Variants in TMTC1 observed in about 807,000 individuals in gnomAD.
TMTC1 encodes protein O-mannosyl-transferase TMTC1.
A neutral mutation model predicts 104.8 loss-of-function variants in TMTC1; 73 were observed. That is an observed-to-expected ratio of 0.70 (90% CI 0.58 to 0.85). The LOEUF (loss-of-function observed/expected upper bound fraction) is 0.85. TMTC1 is among the 40% of genes least tolerant of loss of function. The pLI, the probability that TMTC1 is intolerant of heterozygous loss-of-function variation, is 0.00. For missense variants in TMTC1, 1,035 were observed against 1,096.1 expected (o/e 0.94, Z 0.79); for synonymous variants, 434 against 428.7 (o/e 1.01, Z -0.15).
chr12:29,743,843 T>C (rs1380838942), intron 5 of TMTC1, among the ~76,000 whole-genome samples: 1 of 152,166 alleles, frequency 6.6e-6, no homozygotes, highest in Non-Finnish European at 1.5e-5. Context: ...TAGCATGAAC[T>C]AAAAGGGCAA....
intron 5 of TMTC1, among the ~76,000 whole-genome samples, chr12:29,637,895 C>G (rs1218943748): frequency 6.6e-6 from 1 of 152,184 alleles, no homozygotes; most frequent in Non-Finnish European, 1.5e-5. Context: ...CTTTCTTTTA[C>G]TTTTGCCTAC....
At chr12:29,671,268 C>T (rs1029123068) in intron 5 of TMTC1, among the ~76,000 whole-genome samples, 2 of 151,108 alleles carry the variant, frequency 1.3e-5, no homozygotes, top group Admixed American at 6.6e-5. Context: ...CCACTGCACT[C>T]CAGCCTGGGC....
At chr12:29,631,571 C>T (rs1169044898) in intron 6 of TMTC1, among the ~76,000 whole-genome samples, 2 of 152,116 alleles carry the variant, frequency 1.3e-5, no homozygotes, top group African/African-American at 4.8e-5. Flanking sequence ...CCTGAATTCT[C>T]AATTCTATTC....
At chr12:29,764,648 A>C (rs187344992) in intron 2 of TMTC1, among the ~76,000 whole-genome samples, 47 of 152,286 alleles carry the variant, frequency 3.1e-4, no homozygotes, top group Admixed American at 1.3e-3. Context: ...TTTGTCATGT[A>C]AATTGTTTTG....
Position 29,512,118 on chromosome 12 carries a change from G to C in TMTC1, c.2433C>G (p.Ser811Arg), listed in dbSNP as rs1431827536. The change falls in exon 17 of 18, where the codon AGC becomes AGG. Residue 811 changes from serine (S) to arginine (R), a missense_variant and splice_region_variant. Ser to Arg is a moderately radical substitution (Grantham distance 110). Transcript: ENST00000539277. ...GGTTTAGTTGCACAGCCACTCTATAGCTCTAAATAAATAAGAAATATCCTC... is the reference window on the plus strand; with the variant it reads ...GGTTTAGTTGCACAGCCACTCTATACCTCTAAATAAATAAGAAATATCCTC... ...EQNLLDKAFE[S>R]YRVAVQLNPD... The C allele has an allele frequency of 6.2e-7, 1 of 1,605,036 alleles. No individual in the cohort carries two copies. The highest frequency in any genetic ancestry group is 1.3e-5 in the African/African-American group (1 of 74,614).
rs1456730126 is a variant in TMTC1, at chr12:29,503,238, TTTAAA to T, written c.*3603_*3607del. The T allele has an allele frequency of 6.6e-6, 1 of 152,208 alleles. No homozygotes were observed. The highest frequency in any genetic ancestry group is 2.4e-5 in the African/African-American group (1 of 41,454). 9.4% of individuals were successfully genotyped at this position (152,208 alleles called of 1,614,324 possible). A position where few individuals can be genotyped will look rare whatever the true frequency, so the allele number is the denominator to read the frequency against. ...CAATTCTCTTTGTTTTGTGATAGGC[TTTAAA>T]TTAAACAACCCAAAAGGATATATCT... On this transcript the variant is annotated 3_prime_UTR_variant, in exon 18 of 18. Coordinates refer to ENST00000539277, the MANE Select transcript of TMTC1 (RefSeq NM_001193451.2).
chr12:29,562,729 C>A (rs1040258077), intron 9 of TMTC1, among the ~76,000 whole-genome samples: 1 of 152,110 alleles, frequency 6.6e-6, no homozygotes, highest in Non-Finnish European at 1.5e-5. Flanking sequence ...ACATATTGAC[C>A]TTCTCTGTGA....
chr12:29,654,684 C>T (rs1177973694), intron 5 of TMTC1, among the ~76,000 whole-genome samples: 1 of 148,934 alleles, frequency 6.7e-6, no homozygotes, highest in Non-Finnish European at 1.5e-5. Flanking sequence ...TTCGTAATAG[C>T]CAAAAAGAGG....
intron 10 of TMTC1, among the ~76,000 whole-genome samples, chr12:29,540,911 C>G (rs868460944): frequency 6.6e-6 from 1 of 151,834 alleles, no homozygotes; most frequent in African/African-American, 2.4e-5. Context: ...AGGAGAATGG[C>G]GTGAACCTGG....
chr12:29,634,564 T>C (rs1938458375), intron 5 of TMTC1, among the ~76,000 whole-genome samples: 1 of 152,236 alleles, frequency 6.6e-6, no homozygotes. Context: ...CTGTCAGTAG[T>C]GATGGAGTGA....
chr12:29,676,861 T>C (rs2033041), intron 5 of TMTC1, among the ~76,000 whole-genome samples: 82,717 of 151,980 alleles, frequency 0.54, 22,742 homozygotes, highest in African/African-American at 0.63. Context: ...GTGTGGGCAG[T>C]TGGGGAGTCA....
intron 6 of TMTC1, among the ~76,000 whole-genome samples, chr12:29,631,090 C>T (rs1014904044): frequency 1.3e-5 from 2 of 152,112 alleles, no homozygotes; most frequent in African/African-American, 4.8e-5. Flanking sequence ...TGGATCTTTT[C>T]TCCATTTTAG....
At chr12:29,766,147 C>T (rs547286680) in intron 2 of TMTC1, among the ~76,000 whole-genome samples, 1 of 152,318 alleles carries the variant, frequency 6.6e-6, no homozygotes, top group South Asian at 2.1e-4. Flanking sequence ...AAAATACTCA[C>T]AAAGAGTTGG....
chr12:29,716,716 T>C (rs1361712836), intron 5 of TMTC1, among the ~76,000 whole-genome samples: 1 of 152,034 alleles, frequency 6.6e-6, no homozygotes. Context: ...AAAAGAATAA[T>C]ATAAAATTCC....
At chr12:29,577,100 T>C (rs1945845311) in intron 8 of TMTC1, among the ~76,000 whole-genome samples, 1 of 152,172 alleles carries the variant, frequency 6.6e-6, no homozygotes, top group Non-Finnish European at 1.5e-5. Flanking sequence ...CTGAGGTTGA[T>C]AAGATAGCCT....
At chr12:29,659,675 T>C (rs1163287741) in intron 5 of TMTC1, among the ~76,000 whole-genome samples, 1 of 152,256 alleles carries the variant, frequency 6.6e-6, no homozygotes, top group East Asian at 1.9e-4. Context: ...ATTTGTTGAA[T>C]AAACAAATAT....
intron 5 of TMTC1, among the ~76,000 whole-genome samples, chr12:29,668,798 C>T (rs1202596509): frequency 6.6e-6 from 1 of 152,188 alleles, no homozygotes; most frequent in Non-Finnish European, 1.5e-5. Flanking sequence ...AAGATCATTT[C>T]AATATCTTCT....
chr12:29,581,922 T>A (rs1178034256), intron 8 of TMTC1, among the ~76,000 whole-genome samples: 1 of 151,908 alleles, frequency 6.6e-6, no homozygotes, highest in Non-Finnish European at 1.5e-5. Flanking sequence ...TAGAAAGGGG[T>A]ATGACAGGGA....
At chr12:29,538,313 T>C (rs140653865) in intron 10 of TMTC1, among the ~76,000 whole-genome samples, 3,126 of 152,304 alleles carry the variant, frequency 0.021, 372 homozygotes, top group Admixed American at 0.19. Context: ...AATTCTTCCA[T>C]TGGCACATGT....
Sources: allele counts gnomAD v4.1 joint callset (sites outside exome capture counted in the v4.1 genomes callset), GRCh38; gene constraint gnomAD v4.1.1; transcripts MANE v1.5; gene names NCBI Gene and HGNC (gene_info 2026-07-23, HGNC 2026-07-21).